Variants in PCDHGA3 observed in about 807,000 individuals in gnomAD.
The protein encoded by PCDHGA3 is protocadherin gamma-A3.
PCDHGA3 carries 40 observed loss-of-function variants against 58.5 expected under a neutral mutation model. The ratio of observed to expected loss-of-function variants is 0.68; its 90% confidence interval spans 0.53 to 0.89. The LOEUF (loss-of-function observed/expected upper bound fraction) is 0.89, where lower values mean the gene tolerates loss of function less well. PCDHGA3 is among the 40% of genes least tolerant of loss of function. PCDHGA3 has a pLI of 0.00. For missense variants in PCDHGA3, 1,223 were observed against 1,195.9 expected (o/e 1.02, Z -0.33); for synonymous variants, 530 against 525.7 (o/e 1.01, Z -0.11).
intron 1 of PCDHGA3, chr5:141,365,363 C>G (rs1305690731): frequency 1.2e-6 from 2 of 1,613,900 alleles, no homozygotes; most frequent in Middle Eastern, 1.6e-4. Flanking sequence ...TGACAATGCC[C>G]CCGAAGTGAT....
At chr5:141,502,862 CTGTCT>C (rs2099816366) in intron 2 of PCDHGA3, among the ~76,000 whole-genome samples, 2 of 68,560 alleles carry the variant, frequency 2.9e-5, no homozygotes, top group Admixed American at 3.3e-4. Flanking sequence ...CCCTGACTCT[CTGTCT>C]TTTTTTTTTT....
intron 1 of PCDHGA3, among the ~76,000 whole-genome samples, chr5:141,363,429 T>A (rs1762921344): frequency 6.6e-6 from 1 of 152,366 alleles, no homozygotes; most frequent in Admixed American, 6.5e-5. Context: ...TGTCTCAACA[T>A]AGAAAGGTCA....
rs1365211645 is a variant in PCDHGA3, at chr5:141,344,270, G to A, written c.237G>A (p.Pro79=). Residue 79 remains proline, a synonymous_variant, in exon 1 of 4, where the codon CCG becomes CCA. Transcript: ENST00000253812. ...GGACGCAGCTTTTCTCTCTGAATCC[G>A]CAAAGCGGCAGCTTGGTCACCGCGG... ...RGRTQLFSLN[P]QSGSLVTAER... The A allele has an allele frequency of 1.2e-6, 2 of 1,613,960 alleles. No individual in the cohort carries two copies. Among genetic ancestry groups the A allele is most frequent in the Non-Finnish European group, 1.7e-6 (2 of 1,179,936 alleles).
chr5:141,370,786 C>T (rs1378558214), intron 1 of PCDHGA3: 1 of 1,613,972 alleles, frequency 6.2e-7, no homozygotes, highest in East Asian at 2.2e-5. Flanking sequence ...GACAACCCAC[C>T]GACCTTTAGC....
Position 141,510,999 on chromosome 5 carries a change from G to C in PCDHGA3, c.2625G>C (p.Leu875Phe). Residue 875 changes from leucine (L) to phenylalanine (F), a missense_variant, in exon 4 of 4, where the codon TTG (leucine) becomes TTC (phenylalanine). Around this residue, in one of 3 missense-constraint regions of PCDHGA3, gnomAD observed 325 missense variants for 327.5 expected, o/e 0.99. Coordinates refer to ENST00000253812, the MANE Select transcript of PCDHGA3 (RefSeq NM_018916.4). ...GAGGGGGTGCCGGCACCATGGGATT[G>C]AGCGCCCGCTACGGACCCCAGTTCA... ...TLGGGAGTMG[L>F]SARYGPQFTL... 6.2e-7 allele frequency: 1 copy of C among 1,614,144 alleles called. No homozygotes were observed. Among genetic ancestry groups the C allele is most frequent in the Non-Finnish European group, 8.5e-7 (1 of 1,180,008 alleles).
chr5:141,413,343 G>A, intron 1 of PCDHGA3: 12 of 1,613,994 alleles, frequency 7.4e-6, no homozygotes, highest in Non-Finnish European at 1.0e-5. Context: ...CCAAGGACTT[G>A]GGTCTGGCGC....
chr5:141,466,014 C>T (rs962233749), intron 1 of PCDHGA3, among the ~76,000 whole-genome samples: 75 of 151,848 alleles, frequency 4.9e-4, no homozygotes, highest in African/African-American at 1.2e-3. Flanking sequence ...CCCAGCTACT[C>T]GGGAGGGTGA....
chr5:141,415,163 C>G (rs572456395), intron 1 of PCDHGA3: 11 of 1,613,856 alleles, frequency 6.8e-6, no homozygotes, highest in African/African-American at 1.3e-5. Context: ...GCCACTGTCA[C>G]GCTCACCGTG....
intron 1 of PCDHGA3, chr5:141,355,974 C>T: frequency 1.2e-6 from 2 of 1,613,872 alleles, no homozygotes; most frequent in East Asian, 2.2e-5. Context: ...TTCCTGTAGG[C>T]ACTCGGCTAC....
At position 141,374,771 on chromosome 5, in the gene PCDHGA3, G is replaced by A. The variant is rs1770825611; in HGVS notation, c.2424+28314G>A. 1 of 1,613,744 alleles carries A rather than the reference G, an allele frequency of 6.2e-7. No individual in the cohort carries two copies. The highest frequency in any genetic ancestry group is 8.5e-7 in the Non-Finnish European group (1 of 1,179,778). On this transcript the variant is annotated intron_variant, in intron 1 of 3. Transcript: ENST00000253812. ...CCGCTCAAGCGTCGCCCAAATTCTG[G>A]TAACAGTTCTAGATGTGAATGACAA...
At chr5:141,440,428 C>A (rs1001845529) in intron 1 of PCDHGA3, 1 of 152,132 alleles carries the variant, frequency 6.6e-6, no homozygotes, top group Non-Finnish European at 1.5e-5. Context: ...GCCTGGGTGA[C>A]AGAGCAAGGC....
intron 1 of PCDHGA3, chr5:141,441,986 C>G (rs2098288559): frequency 7.4e-6 from 2 of 269,216 alleles, no homozygotes; most frequent in Non-Finnish European, 1.5e-5. Flanking sequence ...GAATGCGCAC[C>G]GACGAGGTGC....
rs2099621975 is a variant in PCDHGA3 at position 141,485,946 on chromosome 5, G to A, written c.2425-8861G>A. ...AGTGTGTTGGAGAGCGCACCAGCGG[G>A]CATGGTGCTCATCCAGCTCAATGCC... On this transcript the variant is annotated intron_variant, in intron 1 of 3. Transcript: ENST00000253812. This position sits in a 1 kb window ranked among gnomAD's most constrained non-coding sequence, Gnocchi z 5.7. The A allele has an allele frequency of 1.2e-6, 2 of 1,614,040 alleles. No homozygotes were observed. The highest frequency in any genetic ancestry group is 2.2e-5 in the East Asian group (1 of 44,884).
At chr5:141,365,339 G>A in intron 1 of PCDHGA3, 7 of 1,613,990 alleles carry the variant, frequency 4.3e-6, no homozygotes, top group Non-Finnish European at 5.1e-6. Context: ...GGTGGTCACA[G>A]TACAGGACGT....
At chr5:141,414,148 G>C in intron 1 of PCDHGA3, 7 of 1,598,900 alleles carry the variant, frequency 4.4e-6, no homozygotes, top group Non-Finnish European at 6.0e-6. Flanking sequence ...AGAAATACAA[G>C]CAGAAGATGG....
chr5:141,474,772 G>A (rs1053853138), intron 1 of PCDHGA3, among the ~76,000 whole-genome samples: 2 of 152,182 alleles, frequency 1.3e-5, no homozygotes, highest in Non-Finnish European at 2.9e-5. Flanking sequence ...AATAGTATGA[G>A]GCTCTAACAC....
intron 1 of PCDHGA3, 153 bp downstream of exon 1, chr5:141,346,610 T>G: frequency 8.6e-7 from 1 of 1,156,972 alleles, no homozygotes; most frequent in Non-Finnish European, 1.2e-6. Flanking sequence ...GGGCCTATAG[T>G]AGGACTGCAC....
chr5:141,345,897 C>T lies in PCDHGA3; in HGVS notation c.1864C>T (p.His622Tyr). ...SEPGLFSVGL[H>Y]TGEVRTARAL... is the part of the protein sequence containing the mutation. ...GCCGGGACTCTTCTCGGTGGGTCTG[C>T]ACACGGGCGAGGTGCGCACGGCGCG... is the stretch of plus-strand genomic sequence containing the variant. Residue 622 changes from histidine to tyrosine, a missense_variant, in exon 1 of 4, where the codon CAC becomes TAC. Physicochemically the swap from His to Tyr is moderately conservative, Grantham distance 83. Around this residue, in one of 3 missense-constraint regions of PCDHGA3, gnomAD observed 107 missense variants for 159.8 expected, o/e 0.67. Coordinates refer to ENST00000253812, the MANE Select transcript of PCDHGA3 (RefSeq NM_018916.4). 6.2e-7 allele frequency: 1 copy of T among 1,612,696 alleles called. No individual in the cohort carries two copies.
intron 1 of PCDHGA3, among the ~76,000 whole-genome samples, chr5:141,453,492 G>T (rs1046043468): frequency 6.6e-6 from 1 of 152,000 alleles, no homozygotes; most frequent in Non-Finnish European, 1.5e-5. Flanking sequence ...AAAAAAAGGT[G>T]TACTCAGAAA....
Sources: allele counts gnomAD v4.1 joint callset (sites outside exome capture counted in the v4.1 genomes callset), GRCh38; gene constraint gnomAD v4.1.1; regional missense constraint gnomAD v4.1.1; non-coding constraint Gnocchi (gnomAD v3.1); transcripts MANE v1.5; gene names NCBI Gene and HGNC (gene_info 2026-07-23, HGNC 2026-07-21).